ZDHHC11: variants seen among roughly 807,000 people sequenced by gnomAD.
ZDHHC11 encodes the protein zDHHC palmitoyltransferase 11.
A neutral mutation model predicts 51.3 loss-of-function variants in ZDHHC11; 44 were observed. That is an observed-to-expected ratio of 0.86 (90% CI 0.67 to 1.10). ZDHHC11 has a LOEUF of 1.10. ZDHHC11 is among the 50% of genes least tolerant of loss of function. The probability of loss-of-function intolerance (pLI) is 0.00; values close to 1 mark genes in which losing one functional copy is unlikely to be tolerated. For missense variants in ZDHHC11, 400 were observed against 537.7 expected (o/e 0.74, Z 2.53); for synonymous variants, 163 against 222.0 (o/e 0.73, Z 2.36).
chr5:858,142 C>A (rs1213565602), intron 1 of ZDHHC11, among the ~76,000 whole-genome samples: 1 of 144,026 alleles, frequency 6.9e-6, no homozygotes, highest in Non-Finnish European at 1.5e-5. Flanking sequence ...CACCGTGGTC[C>A]CCCGGGTCTG....
chr5:818,558 C>T (rs540006319), intron 10 of ZDHHC11, among the ~76,000 whole-genome samples: 2 of 151,784 alleles, frequency 1.3e-5, no homozygotes, highest in Admixed American at 1.3e-4. Flanking sequence ...ACAAAGCCTT[C>T]TCAGATGGAT....
chr5:808,467 G>A (rs1579561842), intron 11 of ZDHHC11, among the ~76,000 whole-genome samples: 1 of 144,042 alleles, frequency 6.9e-6, no homozygotes, highest in East Asian at 2.0e-4. Context: ...CCCACTTCCA[G>A]ACTCCCTCAC....
At chr5:847,238 G>C (rs1225328892) in intron 3 of ZDHHC11, among the ~76,000 whole-genome samples, 1 of 151,738 alleles carries the variant, frequency 6.6e-6, no homozygotes, top group African/African-American at 2.4e-5. Context: ...AGCGTGGTCA[G>C]GAGGCCTCAG....
chr5:799,970 T>C (rs1446712847), intron 12 of ZDHHC11, among the ~76,000 whole-genome samples: 1 of 150,964 alleles, frequency 6.6e-6, no homozygotes, highest in African/African-American at 2.4e-5. Flanking sequence ...TCTCAAACAC[T>C]TTTTTTTCTA....
chr5:803,895 C>T (rs145330708), intron 11 of ZDHHC11, among the ~76,000 whole-genome samples: 4 of 148,306 alleles, frequency 2.7e-5, no homozygotes, highest in Admixed American at 2.7e-4. Flanking sequence ...CAGATTTGAG[C>T]AAGCAGAAGA....
At chr5:854,394 C>T (rs538860376), upstream of ZDHHC11, among the ~76,000 whole-genome samples, 16 of 148,280 alleles carry the variant, frequency 1.1e-4, no homozygotes, top group East Asian at 6.2e-4. Context: ...ACAGACCCCA[C>T]GGAGGACAGT....
chr5:845,959 T>TTGAGC (rs1746089979), intron 3 of ZDHHC11, among the ~76,000 whole-genome samples: 1 of 149,758 alleles, frequency 6.7e-6, no homozygotes, highest in African/African-American at 2.5e-5. Flanking sequence ...CCTCACCCCC[T>TTGAGC]CACCTTCCCC....
chr5:797,003 C>G lies in ZDHHC11; in HGVS notation c.*8-423G>C, dbSNP rs557490905. Among the ~76,000 whole-genome samples the G allele has an allele frequency of 5.4e-4, 82 of 151,544 alleles. 3 individuals carry two copies. The highest frequency in any genetic ancestry group is 2.0e-3 in the African/African-American group (81 of 41,358). On this transcript the variant is annotated intron_variant, in intron 12 of 12. Transcript: ENST00000283441. ...CGGGTGGATCATGAGGTCAGGAGAT[C>G]GAGACCTTCCTGGCTAATACAGTGA...
At chr5:827,910 G>A (rs1463595834) in intron 7 of ZDHHC11, among the ~76,000 whole-genome samples, 1 of 150,988 alleles carries the variant, frequency 6.6e-6, no homozygotes, top group Non-Finnish European at 1.5e-5. Context: ...TTGTGTCCCT[G>A]GGTACTTGAG....
At position 815,184 on chromosome 5, in the gene ZDHHC11, A is replaced by T. The variant is rs1480225195; in HGVS notation, c.1147-389T>A. Among the ~76,000 whole-genome samples, 8 of 151,510 alleles carry T rather than the reference A, an allele frequency of 5.3e-5. 1 individual carries two copies. Among genetic ancestry groups the T allele is most frequent in the Non-Finnish European group, 8.9e-5 (6 of 67,702 alleles). ...CACAAACTGAGGGAAGACTGGGAGG[A>T]CACAGAGAACAGGTGGCCATCTACA... is the stretch of plus-strand genomic sequence containing the variant. On this transcript the variant is annotated intron_variant, in intron 10 of 12. Coordinates refer to ENST00000283441, the MANE Select transcript of ZDHHC11 (RefSeq NM_024786.3).
chr5:797,147 C>T (rs1651312), intron 12 of ZDHHC11, among the ~76,000 whole-genome samples: 99,018 of 139,220 alleles, frequency 0.71, 33,996 homozygotes, highest in Non-Finnish European at 0.81. Context: ...GCGGAGTTTG[C>T]AGTGAGCCAA....
chr5:825,382 C>G (rs1360264979), intron 7 of ZDHHC11, 131 bp from the exon 8 acceptor site: 19 of 910,584 alleles, frequency 2.1e-5, no homozygotes, highest in Non-Finnish European at 3.5e-6. Flanking sequence ...ACTTGTAGAC[C>G]AGCAGCTCCT....
chr5:824,848 C>T (rs1016810778), intron 8 of ZDHHC11, among the ~76,000 whole-genome samples: 5 of 151,470 alleles, frequency 3.3e-5, no homozygotes, highest in African/African-American at 9.7e-5. Flanking sequence ...CACTGTCCCT[C>T]GCTGCATGTT....
At chr5:851,634 C>G (rs1435404958), upstream of ZDHHC11, among the ~76,000 whole-genome samples, 3 of 152,216 alleles carry the variant, frequency 2.0e-5, no homozygotes, top group African/African-American at 7.2e-5. Flanking sequence ...CTCTGCGCTG[C>G]CTTTGGTGGC....
rs569923517 is a variant in ZDHHC11 at position 821,530 on chromosome 5, G to A, written c.1058+331C>T. Among the ~76,000 whole-genome samples, 70 of 151,432 alleles carry A rather than the reference G, an allele frequency of 4.6e-4. 1 individual carries two copies. Among genetic ancestry groups the A allele is most frequent in the Admixed American group, 8.5e-4 (13 of 15,218 alleles). On this transcript the variant is annotated intron_variant, in intron 9 of 12. Transcript: ENST00000283441. ...TCAAGTGAAAGCGTGCAGGGCTCACGGCAGACAGGAGACAGGGCTGATGTG... is the reference window on the plus strand; with the variant it reads ...TCAAGTGAAAGCGTGCAGGGCTCACAGCAGACAGGAGACAGGGCTGATGTG...
intron 7 of ZDHHC11, among the ~76,000 whole-genome samples, chr5:827,959 T>C (rs1390882017): frequency 6.6e-6 from 1 of 151,108 alleles, no homozygotes; most frequent in Non-Finnish European, 1.5e-5. Context: ...GCATGCTGCC[T>C]TCAAGCATCT....
chr5:855,431 G>C (rs1019991629), upstream of ZDHHC11, among the ~76,000 whole-genome samples: 2 of 146,932 alleles, frequency 1.4e-5, no homozygotes, highest in Non-Finnish European at 3.0e-5. Context: ...ACCCCATAGA[G>C]GACAGCGAGC....
intron 6 of ZDHHC11, 74 bp downstream of exon 6, chr5:837,291 A>C: frequency 6.5e-7 from 1 of 1,528,488 alleles, no homozygotes; most frequent in South Asian, 1.1e-5. Context: ...AGCATGGCTG[A>C]GAGGTCCCAA....
chr5:802,034 A>G (rs1194404785), intron 11 of ZDHHC11, among the ~76,000 whole-genome samples: 1 of 151,458 alleles, frequency 6.6e-6, no homozygotes, highest in African/African-American at 2.4e-5. Context: ...ATGGGAGCTG[A>G]TGCAGAAGGC....
Sources: gnomAD v4.1 joint callset for allele counts (sites outside exome capture counted in the v4.1 genomes callset) on GRCh38, gnomAD v4.1.1 for gene constraint, MANE v1.5 for transcripts, NCBI Gene and HGNC (gene_info 2026-07-23, HGNC 2026-07-21) for gene names.